Variants in SLC68A1 observed in about 807,000 individuals in gnomAD.
SLC68A1 encodes the protein solute carrier family 68 member 1.
the SLC68A1 span, chr10:102,470,728 T>A: frequency 6.2e-7 from 1 of 1,613,542 alleles, no homozygotes; most frequent in South Asian, 1.1e-5. Context: ...TGGGCTGGCA[T>A]GGGCCGCTGC....
chr10:102,470,489 C>G, the SLC68A1 span, among the ~76,000 whole-genome samples: 1 of 152,130 alleles, frequency 6.6e-6, no homozygotes, highest in Admixed American at 6.5e-5. Context: ...GAGAGTGTAC[C>G]CACTGGTGAG....
chr10:102,473,684 T>G, the SLC68A1 span: 1 of 1,614,170 alleles, frequency 6.2e-7, no homozygotes, highest in Non-Finnish European at 8.5e-7. Context: ...GGACTTAGCC[T>G]GCTCATGTTG....
At chr10:102,469,088 G>T in the SLC68A1 span, 2 of 1,614,096 alleles carry the variant, frequency 1.2e-6, no homozygotes, top group Non-Finnish European at 1.7e-6. Context: ...GTGGTCTATG[G>T]CTCCCTGGCT....
chr10:102,470,760 T>A, the SLC68A1 span: 1 of 1,613,874 alleles, frequency 6.2e-7, no homozygotes, highest in Non-Finnish European at 8.5e-7. Context: ...TTCCTGGCGT[T>A]CTGGGTGCCC....
At chr10:102,471,412 C>G in the SLC68A1 span, 1 of 1,605,548 alleles carries the variant, frequency 6.2e-7, no homozygotes, top group Non-Finnish European at 8.5e-7. Flanking sequence ...GGGAGCAGCT[C>G]CCGGCCCCTC....
the SLC68A1 span, chr10:102,472,189 C>A: frequency 2.9e-6 from 1 of 343,642 alleles, no homozygotes; most frequent in Non-Finnish European, 5.8e-6. Context: ...AAGTGCTGTA[C>A]CTAAAACATG....
At chr10:102,461,616 GT>G in the SLC68A1 span, among the ~76,000 whole-genome samples, 2 of 152,066 alleles carry the variant, frequency 1.3e-5, no homozygotes, top group Non-Finnish European at 2.9e-5. Context: ...GATTGGGAGA[GT>G]TGTGTGGTCC....
At chr10:102,465,571 G>A in the SLC68A1 span, among the ~76,000 whole-genome samples, 1 of 152,188 alleles carries the variant, frequency 6.6e-6, no homozygotes, top group Non-Finnish European at 1.5e-5. Context: ...TGAGGCTCAG[G>A]GAGAGGGAGT....
At chr10:102,463,011 G>C in the SLC68A1 span, among the ~76,000 whole-genome samples, 2 of 152,138 alleles carry the variant, frequency 1.3e-5, no homozygotes, top group Non-Finnish European at 1.5e-5. Flanking sequence ...GAAGATGACA[G>C]TTTTCCTATG....
chr10:102,465,700 G>A, the SLC68A1 span, among the ~76,000 whole-genome samples: 1 of 152,294 alleles, frequency 6.6e-6, no homozygotes. Context: ...GGAGGCTGGT[G>A]TGGGCTCCAA....
the SLC68A1 span, among the ~76,000 whole-genome samples, chr10:102,464,060 G>C: frequency 6.6e-6 from 1 of 152,158 alleles, no homozygotes; most frequent in Non-Finnish European, 1.5e-5. Context: ...TGCCCCAGCT[G>C]GTCTCTAACT....
the SLC68A1 span, among the ~76,000 whole-genome samples, chr10:102,471,841 G>C: frequency 6.6e-6 from 1 of 152,004 alleles, no homozygotes; most frequent in African/African-American, 2.4e-5. Flanking sequence ...AGGAATGCAG[G>C]TTGAGTAGTC....
At chr10:102,475,635 C>A in the SLC68A1 span, 3 of 1,462,468 alleles carry the variant, frequency 2.1e-6, no homozygotes, top group East Asian at 6.9e-5. Flanking sequence ...CATGTGGTGT[C>A]TGAGATGTCA....
At chr10:102,475,942 G>C in the SLC68A1 span, 8 of 1,612,894 alleles carry the variant, frequency 5.0e-6, no homozygotes, top group Admixed American at 1.0e-4. Flanking sequence ...CCCAGCGCCA[G>C]AACCTGTCAC....
the SLC68A1 span, chr10:102,476,995 G>A: frequency 1.0e-6 from 1 of 985,812 alleles, no homozygotes; most frequent in Non-Finnish European, 1.2e-6. Context: ...GGCCTCTAAA[G>A]ATGTTTATTT....
chr10:102,474,595 T>C, the SLC68A1 span, among the ~76,000 whole-genome samples: 115 of 152,248 alleles, frequency 7.6e-4, no homozygotes, highest in Non-Finnish European at 6.0e-4. Flanking sequence ...AAGAGGACTT[T>C]GTTGATCAGG....
At chr10:102,470,079 G>C in the SLC68A1 span, 1 of 1,613,560 alleles carries the variant, frequency 6.2e-7, no homozygotes, top group Non-Finnish European at 8.5e-7. Flanking sequence ...AGCCCCGGTT[G>C]GTGTATTGGG....
At chr10:102,475,005 C>T in the SLC68A1 span, among the ~76,000 whole-genome samples, 1 of 139,836 alleles carries the variant, frequency 7.2e-6, no homozygotes, top group South Asian at 2.3e-4. Context: ...ACAAAATTCA[C>T]TCTGGGCTGG....
chr10:102,467,728 C>T, the SLC68A1 span, among the ~76,000 whole-genome samples: 2 of 152,126 alleles, frequency 1.3e-5, no homozygotes, highest in African/African-American at 2.4e-5. Flanking sequence ...GCAATCTTGG[C>T]TCACTGCAGC....
Sources: gnomAD v4.1 joint callset for allele counts (sites outside exome capture counted in the v4.1 genomes callset) on GRCh38, gnomAD v4.1.1 for gene constraint, MANE v1.5 for transcripts, NCBI Gene and HGNC (gene_info 2026-07-23, HGNC 2026-07-21) for gene names.